The following FOCAD variants were observed in gnomAD, a reference collection of about 807,000 sequenced individuals.
The protein encoded by FOCAD is KIAA1797.
Under a neutral mutation model 225.6 loss-of-function variants are expected in FOCAD, and 198 were observed. That is an observed-to-expected ratio of 0.88 (90% CI 0.78 to 0.99). The LOEUF (loss-of-function observed/expected upper bound fraction) is 0.99, where lower values mean the gene tolerates loss of function less well. Among genes scored for constraint, FOCAD ranks in the 50% least tolerant of loss-of-function variants. The probability of loss-of-function intolerance (pLI) is 0.00; values close to 1 mark genes in which losing one functional copy is unlikely to be tolerated. For synonymous variants in FOCAD, 897 were observed against 755.0 expected (o/e 1.19, Z -3.08); for missense variants, 2,713 against 2,123.6 (o/e 1.28, Z -5.46).
chr9:20,701,841 G>A (rs1029209851), intron 1 of FOCAD, among the ~76,000 whole-genome samples: 1 of 152,168 alleles, frequency 6.6e-6, no homozygotes, highest in Non-Finnish European at 1.5e-5. Flanking sequence ...TATATACAAA[G>A]ATACAAAGCT....
chr9:20,699,751 AAAAAAAAAAAAAAAAAAAAAAAATAT>A (rs1347525962), intron 1 of FOCAD, among the ~76,000 whole-genome samples: 14 of 52,528 alleles, frequency 2.7e-4, no homozygotes, highest in South Asian at 7.2e-4. Context: ...AAAAAAAAAA[AAAAAAAAAAAAAAAAAAAAAAAATAT>A]ATATATATAT....
chr9:20,980,913 G>A (rs1439499774), intron 37 of FOCAD, among the ~76,000 whole-genome samples: 1 of 152,036 alleles, frequency 6.6e-6, no homozygotes, highest in African/African-American at 2.4e-5. Flanking sequence ...GTGCTCAGCT[G>A]GTGGTTTTAC....
chr9:20,834,455 G>GA (rs1413933422), intron 15 of FOCAD, among the ~76,000 whole-genome samples: 1 of 151,766 alleles, frequency 6.6e-6, no homozygotes, highest in East Asian at 1.9e-4. Context: ...TTAAAAGTTG[G>GA]AAAAAAGAAA....
At chr9:20,916,294 T>A (rs1375977178) in intron 23 of FOCAD, among the ~76,000 whole-genome samples, 1 of 152,200 alleles carries the variant, frequency 6.6e-6, no homozygotes, top group Admixed American at 6.5e-5. Context: ...TCTGTAAATA[T>A]TTGAATTGTG....
At chr9:20,750,729 T>G (rs1828465116) in intron 5 of FOCAD, among the ~76,000 whole-genome samples, 1 of 152,172 alleles carries the variant, frequency 6.6e-6, no homozygotes, top group South Asian at 2.1e-4. Flanking sequence ...AACACTTCCT[T>G]CTGAAATAAA....
chr9:20,967,378 C>G (rs538234420), intron 35 of FOCAD, among the ~76,000 whole-genome samples: 1 of 152,160 alleles, frequency 6.6e-6, no homozygotes, highest in East Asian at 1.9e-4. Flanking sequence ...TATCCTGCAA[C>G]TTTATTGAAT....
chr9:20,721,623 A>C (rs186339719), intron 4 of FOCAD, among the ~76,000 whole-genome samples: 382 of 152,036 alleles, frequency 2.5e-3, no homozygotes, highest in African/African-American at 8.8e-3. Context: ...AATCACTTGA[A>C]CCCAGGAGGT....
chr9:20,761,482 G>A (rs1382971212), intron 6 of FOCAD, among the ~76,000 whole-genome samples: 4 of 151,918 alleles, frequency 2.6e-5, no homozygotes, highest in Non-Finnish European at 4.4e-5. Context: ...GTGCAGTGGT[G>A]CAATCTCGGC....
intron 11 of FOCAD, among the ~76,000 whole-genome samples, chr9:20,818,452 A>G (rs1275532166): frequency 6.6e-6 from 1 of 152,082 alleles, no homozygotes; most frequent in East Asian, 1.9e-4. Flanking sequence ...CCAATGTTAC[A>G]AAGACTTAAT....
At chr9:20,836,512 C>T (rs893512874) in intron 15 of FOCAD, among the ~76,000 whole-genome samples, 1 of 151,980 alleles carries the variant, frequency 6.6e-6, no homozygotes, top group Non-Finnish European at 1.5e-5. Context: ...GTAGTTGGGG[C>T]ATGTTTTTTT....
chr9:20,790,346 T>C lies in FOCAD; in HGVS notation c.1455+738T>C, dbSNP rs2131184820. 1.3e-5 allele frequency among the ~76,000 whole-genome samples: 2 copies of C among 152,358 alleles called. 1 individual carries two copies. The highest frequency in any genetic ancestry group is 4.1e-4 in the South Asian group (2 of 4,832). ...AGTAGTTTTGACATTTTTGTTATCC[T>C]CTCTTTATTAGTATCTGTGCTTGTG... On this transcript the variant is annotated intron_variant, in intron 11 of 43. Coordinates refer to ENST00000338382, the MANE Select transcript of FOCAD (RefSeq NM_001375567.1).
Position 20,923,723 on chromosome 9 carries a change from T to C in FOCAD, c.2916T>C (p.Ser972=). 1 of 1,614,042 alleles carries C rather than the reference T, an allele frequency of 6.2e-7. No homozygotes were observed. Among genetic ancestry groups the C allele is most frequent in the South Asian group, 1.1e-5 (1 of 91,052 alleles). ...TAAGCAGCCTTGCTGTCGTCGTATCTAGACATGAAGCCAGCCTCTCCTCAG... is the reference window on the plus strand; with the variant it reads ...TAAGCAGCCTTGCTGTCGTCGTATCCAGACATGAAGCCAGCCTCTCCTCAG... The part of the protein sequence containing the change: ...LALSSLAVVV[S]RHEASLSSDS... The change falls in exon 25 of 44, where the codon TCT becomes TCC. Residue 972 remains serine, a synonymous_variant. Coordinates refer to ENST00000338382, the MANE Select transcript of FOCAD (RefSeq NM_001375567.1).
In FOCAD at chr9:20,881,029, G is replaced by T. The variant is rs568638225; in HGVS notation, c.2318-842G>T. Among the ~76,000 whole-genome samples the T allele has an allele frequency of 3.3e-5, 5 of 152,258 alleles. No individual in the cohort carries two copies. In the South Asian group the frequency reaches 1.0e-3, roughly 32 times the overall value. On this transcript the variant is annotated intron_variant, in intron 19 of 43. Coordinates refer to ENST00000338382, the MANE Select transcript of FOCAD (RefSeq NM_001375567.1). Reference sequence around the variant, plus strand: ...TTATATAGTAAGTAAAATGTCAAATGATAAAGATCTTGGGCTTAATTAGAA... The same window carrying T: ...TTATATAGTAAGTAAAATGTCAAATTATAAAGATCTTGGGCTTAATTAGAA...
intron 35 of FOCAD, among the ~76,000 whole-genome samples, chr9:20,974,061 G>A (rs1840013553): frequency 6.8e-6 from 1 of 147,042 alleles, no homozygotes; most frequent in Non-Finnish European, 1.5e-5. Flanking sequence ...TTCTGCTGCT[G>A]TTTTCACTTT....
At chr9:20,958,384 G>A (rs1208100532) in intron 35 of FOCAD, among the ~76,000 whole-genome samples, 1 of 149,648 alleles carries the variant, frequency 6.7e-6, no homozygotes, top group African/African-American at 2.4e-5. Flanking sequence ...TTTTTTTTAA[G>A]TAAATTTGAA....
chr9:20,973,753 C>G (rs1839982971), intron 35 of FOCAD, among the ~76,000 whole-genome samples: 1 of 148,058 alleles, frequency 6.8e-6, no homozygotes, highest in Admixed American at 6.8e-5. Flanking sequence ...CTCCTTTTTC[C>G]TATGTTTCTC....
intron 15 of FOCAD, among the ~76,000 whole-genome samples, chr9:20,832,934 G>A (rs1825655469): frequency 6.6e-6 from 1 of 152,008 alleles, no homozygotes; most frequent in Non-Finnish European, 1.5e-5. Context: ...TCTTTGTAAG[G>A]CTGTGATATC....
intron 20 of FOCAD, among the ~76,000 whole-genome samples, chr9:20,884,145 G>A (rs1830907101): frequency 6.6e-6 from 1 of 152,044 alleles, no homozygotes. Context: ...AAACTTAATA[G>A]AATCTCTAGA....
intron 1 of FOCAD, among the ~76,000 whole-genome samples, chr9:20,707,908 G>C (rs757794423): frequency 6.6e-6 from 1 of 152,178 alleles, no homozygotes; most frequent in Non-Finnish European, 1.5e-5. Context: ...CATACAAGGT[G>C]ATGAAACAAT....
Sources: gnomAD v4.1 joint callset for allele counts (sites outside exome capture counted in the v4.1 genomes callset) on GRCh38, gnomAD v4.1.1 for gene constraint, MANE v1.5 for transcripts, NCBI Gene and HGNC (gene_info 2026-07-23, HGNC 2026-07-21) for gene names.